The following MOGAT1 variants were observed in gnomAD, a reference collection of about 807,000 sequenced individuals.
MOGAT1 encodes monoacylglycerol O-acyltransferase 1, also known as 2-acylglycerol O-acyltransferase 1.
MOGAT1 carries 32 observed loss-of-function variants against 31.4 expected under a neutral mutation model. The ratio of observed to expected loss-of-function variants is 1.02; its 90% CI spans 0.77 to 1.37. MOGAT1 has a LOEUF of 1.37. MOGAT1 is among the 40% of genes most tolerant of loss of function. The probability of loss-of-function intolerance (pLI) is 0.00; values close to 1 mark genes in which losing one functional copy is unlikely to be tolerated. For synonymous variants in MOGAT1, 145 were observed against 144.5 expected, an observed-to-expected ratio of 1.00 and a Z score of -0.03; for missense variants, 426 against 402.0, an observed-to-expected ratio of 1.06 and a Z score of -0.51.
intron 1 of MOGAT1, among the ~76,000 whole-genome samples, chr2:222,687,113 C>CAAAAAAAAAAAAAAAAAAA (rs1177781176): frequency 1.3e-4 from 3 of 22,442 alleles, no homozygotes; most frequent in Non-Finnish European, 2.5e-4. Flanking sequence ...GACTCCATCT[C>CAAAAAAAAAAAAAAAAAAA]AAAAAAAAAA....
intron 5 of MOGAT1, among the ~76,000 whole-genome samples, chr2:222,697,205 G>A (rs935985421): frequency 1.3e-5 from 2 of 152,102 alleles, no homozygotes. Flanking sequence ...TGTTCACCAT[G>A]GATAGCCCAT....
intron 5 of MOGAT1, among the ~76,000 whole-genome samples, chr2:222,703,974 A>C (rs1283420781): frequency 6.6e-6 from 1 of 152,212 alleles, no homozygotes; most frequent in Non-Finnish European, 1.5e-5. Flanking sequence ...TAGAAACTGA[A>C]GCAAGATAGC....
chr2:222,701,418 T>TAAAG (rs746015362), intron 5 of MOGAT1, among the ~76,000 whole-genome samples: 636 of 55,204 alleles, frequency 0.012, 6 homozygotes, highest in African/African-American at 0.042. Context: ...GAGAGAAAAA[T>TAAAG]AAAGAAAGAA....
At chr2:222,685,006 G>T (rs961119365) in intron 1 of MOGAT1, among the ~76,000 whole-genome samples, 1 of 152,062 alleles carries the variant, frequency 6.6e-6, no homozygotes, top group African/African-American at 2.4e-5. Flanking sequence ...ATTAGCACTG[G>T]TAATCAATAG....
At chr2:222,704,873 A>C (rs1574978532) in intron 5 of MOGAT1, among the ~76,000 whole-genome samples, 1 of 152,206 alleles carries the variant, frequency 6.6e-6, no homozygotes, top group Non-Finnish European at 1.5e-5. Flanking sequence ...CTAAGGGATT[A>C]GGGGTAGGTT....
chr2:222,703,759 AAT>A (rs1322287977), intron 5 of MOGAT1, among the ~76,000 whole-genome samples: 2 of 152,176 alleles, frequency 1.3e-5, no homozygotes, highest in African/African-American at 4.8e-5. Context: ...GTTGGAGAGC[AAT>A]TCCTGCATGA....
intron 1 of MOGAT1, among the ~76,000 whole-genome samples, chr2:222,674,257 A>C (rs1475183628): frequency 6.6e-6 from 1 of 152,206 alleles, no homozygotes; most frequent in Non-Finnish European, 1.5e-5. Flanking sequence ...CACATTTGAC[A>C]TTAGTGTTAG....
intron 5 of MOGAT1, among the ~76,000 whole-genome samples, chr2:222,701,490 G>T (rs1211601415): frequency 6.8e-6 from 1 of 146,402 alleles, no homozygotes; most frequent in African/African-American, 2.5e-5. Flanking sequence ...GAAAGAAAGA[G>T]AGAGTGGGGA....
At chr2:222,687,146 ACAAGAAAG>A (rs1692686489) in intron 1 of MOGAT1, among the ~76,000 whole-genome samples, 2 of 61,222 alleles carry the variant, frequency 3.3e-5, no homozygotes, top group African/African-American at 1.3e-4. Flanking sequence ...AAAAGAAAGA[ACAAGAAAG>A]AAAGAAAAAA....
chr2:222,688,504 G>A lies in MOGAT1; in HGVS notation c.255G>A (p.Lys85=). 6.2e-7 allele frequency: 1 copy of A among 1,611,112 alleles called. No individual in the cohort carries two copies. The highest frequency in any genetic ancestry group is 8.5e-7 in the Non-Finnish European group (1 of 1,178,918). The change falls in exon 2 of 6, where the codon AAG becomes AAA. Residue 85 remains lysine (K), a synonymous_variant. Transcript: ENST00000446656. ...IKNWTLWKHF[K]DYFPIHLIKT... Reference sequence around the variant, plus strand: ...ATTGGACTCTTTGGAAACACTTTAAGGACTATTTTCCAATTCATGTGAGTA... The same window carrying A: ...ATTGGACTCTTTGGAAACACTTTAAAGACTATTTTCCAATTCATGTGAGTA...
rs1422583404 is a variant in MOGAT1, at chr2:222,709,752, TG to T, written c.871del (p.Val291PhefsTer5). 1 of 1,610,358 alleles carries T rather than the reference TG, an allele frequency of 6.2e-7. No homozygotes were observed. The highest frequency in any genetic ancestry group is 1.1e-5 in the South Asian group (1 of 90,906). On this transcript the variant is annotated frameshift_variant, in exon 6 of 6. Transcript: ENST00000446656. LOFTEE classifies it low-confidence loss of function (END_TRUNC). The stretch of plus-strand genomic sequence containing the variant: ...GATTTGCAGTTGGCCGCCCGATCCC[TG>T]TTCGTCAGACTCTGAACCCGACCCA... ...IHTVVGRPIP[V>X]RQTLNPTQEQ...
At chr2:222,688,666 G>A (rs1692713244) in intron 2 of MOGAT1, 144 bp downstream of exon 2, 3 of 639,438 alleles carry the variant, frequency 4.7e-6, no homozygotes, top group Middle Eastern at 4.3e-4. Context: ...CAAAGACTAG[G>A]TAATTTATAA....
In MOGAT1 at chr2:222,705,399, T is replaced by C. The variant is rs1574978687; in HGVS notation, c.854-4337T>C. On this transcript the variant is annotated intron_variant, in intron 5 of 5. Transcript: ENST00000446656. ...GCCCCTATTCAAGATGGAGTTGCAC[T>C]GATTCCAGTGCCTCCGACAATAGGG... 2.0e-5 allele frequency among the ~76,000 whole-genome samples: 3 copies of C among 152,198 alleles called. No homozygotes were observed. The South Asian group carries it at 6.2e-4, about 31-fold the overall frequency.
intron 5 of MOGAT1, among the ~76,000 whole-genome samples, chr2:222,696,710 G>C (rs917135849): frequency 6.6e-6 from 1 of 152,138 alleles, no homozygotes. Flanking sequence ...GGAGAATCCA[G>C]TTGAGGGAGG....
rs1398362725 is a variant in MOGAT1 at position 222,689,252 on chromosome 2, G to A, written c.274-13G>A. 2.5e-6 allele frequency: 4 copies of A among 1,596,880 alleles called. No individual in the cohort carries two copies. The highest frequency in any genetic ancestry group is 2.6e-6 in the Non-Finnish European group (3 of 1,169,278). Reference sequence around the variant, plus strand: ...TTTCTTTTTTTTAAAATCTCAATATGAATGTGCTGTAGCTTATCAAAACTC... The same window carrying A: ...TTTCTTTTTTTTAAAATCTCAATATAAATGTGCTGTAGCTTATCAAAACTC... On this transcript the variant is annotated splice_polypyrimidine_tract_variant and intron_variant, in intron 2 of 5. Transcript: ENST00000446656.
intron 5 of MOGAT1, among the ~76,000 whole-genome samples, chr2:222,701,562 AG>A (rs1330795915): frequency 0.038 from 5,425 of 142,528 alleles, 246 homozygotes; most frequent in African/African-American, 0.11. Context: ...AGAAAGAAAG[AG>A]AAAGAAAGAA....
intron 1 of MOGAT1, among the ~76,000 whole-genome samples, chr2:222,681,504 A>C (rs899645166): frequency 1.3e-5 from 2 of 152,208 alleles, no homozygotes; most frequent in Admixed American, 1.3e-4. Flanking sequence ...GTTGGGGTAC[A>C]CCAATCTCTC....
chr2:222,687,483 A>T (rs1367013501), intron 1 of MOGAT1, among the ~76,000 whole-genome samples: 2 of 152,194 alleles, frequency 1.3e-5, no homozygotes, highest in African/African-American at 2.4e-5. Context: ...TCTTTTCATA[A>T]TTTTTTAATT....
chr2:222,705,814 C>T (rs1233425682), intron 5 of MOGAT1, among the ~76,000 whole-genome samples: 4 of 152,096 alleles, frequency 2.6e-5, no homozygotes, highest in African/African-American at 7.2e-5. Flanking sequence ...TTCAGGGCAG[C>T]TATATTGGAA....
Sources: allele counts gnomAD v4.1 joint callset (sites outside exome capture counted in the v4.1 genomes callset), GRCh38; gene constraint gnomAD v4.1.1; transcripts MANE v1.5; gene names NCBI Gene and HGNC (gene_info 2026-07-23, HGNC 2026-07-21).